Variants in SLC36A4 observed in about 807,000 individuals in gnomAD.
SLC36A4 encodes neutral amino acid uniporter 4.
SLC36A4 carries 49 observed loss-of-function variants against 50.5 expected under a neutral mutation model. The ratio of observed to expected loss-of-function variants is 0.97; its 90% CI spans 0.77 to 1.23. The LOEUF (loss-of-function observed/expected upper bound fraction) is 1.23, where lower values mean the gene tolerates loss of function less well. Ranked by LOEUF, SLC36A4 falls within the 50% of genes most tolerant of loss-of-function variation. The pLI is 0.00. For missense variants in SLC36A4, 611 were observed against 608.4 expected, an observed-to-expected ratio of 1.00 and a Z score of -0.05; for synonymous variants, 207 against 206.5, an observed-to-expected ratio of 1.00 and a Z score of -0.02.
chr11:93,180,261 T>C, intron 6 of SLC36A4: 4 of 985,086 alleles, frequency 4.1e-6, no homozygotes, highest in Non-Finnish European at 4.8e-6. Flanking sequence ...AAATACACTG[T>C]CAATCTCTTC....
In SLC36A4 at chr11:93,181,695, C is replaced by A. The variant is rs577760245; in HGVS notation, c.451G>T (p.Gly151Trp). 9.2e-6 allele frequency: 14 copies of A among 1,528,718 alleles called. No homozygotes were observed. Among genetic ancestry groups the A allele is most frequent in the Admixed American group, 2.0e-5 (1 of 48,904 alleles). 94.7% of individuals were successfully genotyped at this position (1,528,718 alleles called of 1,614,324 possible). A position where few individuals can be genotyped will look rare whatever the true frequency, so the allele number is the denominator to read the frequency against. The change falls in exon 5 of 11, where the codon GGG (glycine) becomes TGG (tryptophan). Residue 151 changes from glycine to tryptophan, a missense_variant. By Grantham distance (184) the Gly-to-Trp change is radical. Coordinates refer to ENST00000326402, the MANE Select transcript of SLC36A4 (RefSeq NM_152313.4). ...WSCLQKQAAW[G>W]RSVVDFFLVI... ...AATAACAGAGTAAGTACTTACCGCC[C>A]CCATGCTGCTTGCTTCTGAAGACAA...
At chr11:93,189,362 C>T (rs945734124) in intron 1 of SLC36A4, among the ~76,000 whole-genome samples, 10 of 151,898 alleles carry the variant, frequency 6.6e-5, no homozygotes, top group Admixed American at 2.6e-4. Flanking sequence ...GCCATGGTCT[C>T]ATCTTAACTA....
intron 9 of SLC36A4, 99 bp from the exon 10 acceptor site, chr11:93,154,376 A>G (rs779218019): frequency 1.8e-6 from 1 of 542,562 alleles, no homozygotes; most frequent in Non-Finnish European, 2.9e-6. Context: ...CCAGAATACC[A>G]AATTAGGCCA....
At chr11:93,162,261 C>T (rs1048472187) in intron 9 of SLC36A4, among the ~76,000 whole-genome samples, 1 of 151,944 alleles carries the variant, frequency 6.6e-6, no homozygotes, top group Non-Finnish European at 1.5e-5. Context: ...TGGTCTCCTA[C>T]GAAGATTATG....
intron 6 of SLC36A4, among the ~76,000 whole-genome samples, chr11:93,169,357 G>A (rs1390719375): frequency 6.6e-6 from 1 of 152,038 alleles, no homozygotes; most frequent in African/African-American, 2.4e-5. Context: ...ACCTAAGCCT[G>A]TGACTCTAGA....
intron 6 of SLC36A4, among the ~76,000 whole-genome samples, chr11:93,178,595 C>T (rs1264397028): frequency 6.6e-6 from 1 of 152,130 alleles, no homozygotes; most frequent in African/African-American, 2.4e-5. Context: ...ATTTGATTCT[C>T]CACTTGGTCA....
intron 9 of SLC36A4, among the ~76,000 whole-genome samples, chr11:93,156,480 C>T (rs1001466704): frequency 4.6e-5 from 7 of 150,716 alleles, no homozygotes; most frequent in African/African-American, 1.7e-4. Context: ...AGTGCAGCAG[C>T]TCAATCTTAG....
In SLC36A4 at chr11:93,173,015, C is replaced by A. The variant is rs1373672797; in HGVS notation, c.541-4844G>T. ...TTCCAGTTCTAGATCCCTGAGGAAT[C>A]GCCACACTGACTTCCACAATGGTTG... is the stretch of plus-strand genomic sequence containing the variant. On this transcript the variant is annotated intron_variant, in intron 6 of 10. Coordinates refer to ENST00000326402, the MANE Select transcript of SLC36A4 (RefSeq NM_152313.4). Among the ~76,000 whole-genome samples the A allele has an allele frequency of 1.0e-3, 108 of 107,094 alleles. No homozygotes were observed. In the Middle Eastern group the frequency reaches 0.013, roughly 13 times the overall value. 70.3% of individuals were successfully genotyped at this position (107,094 alleles called of 152,430 possible).
chr11:93,165,951 A>G lies in SLC36A4; in HGVS notation c.834T>C (p.Gly278=). The change falls in exon 8 of 11, where the codon GGT becomes GGC. Residue 278 remains glycine, a synonymous_variant. Transcript: ENST00000326402. The part of the protein sequence containing the change: ...AGWKKYPLFF[G]TAVFAFEGIG... ...TGCCTTCAAAAGCAAATACAGCAGT[A>G]CCAAAAAAGAGTGGGTATTTCTTCC... is the stretch of plus-strand genomic sequence containing the variant. 1 of 1,610,978 alleles carries G rather than the reference A, an allele frequency of 6.2e-7. No homozygotes were observed.
chr11:93,157,573 T>C (rs936937648), intron 9 of SLC36A4, among the ~76,000 whole-genome samples: 5 of 152,246 alleles, frequency 3.3e-5, no homozygotes, highest in African/African-American at 1.2e-4. Context: ...CCTGGTTAGC[T>C]GTATCCCTAG....
intron 1 of SLC36A4, among the ~76,000 whole-genome samples, chr11:93,193,630 A>G (rs148786271): frequency 9.5e-4 from 144 of 152,310 alleles, no homozygotes; most frequent in Middle Eastern, 3.4e-3. Flanking sequence ...CCATAGGGAT[A>G]CATTAATGGT....
intron 10 of SLC36A4, chr11:93,152,823 A>C (rs1295883752): frequency 6.6e-6 from 1 of 152,182 alleles, no homozygotes; most frequent in Non-Finnish European, 1.5e-5. Flanking sequence ...TATTGATAAA[A>C]ACACTTTTAC....
intron 1 of SLC36A4, among the ~76,000 whole-genome samples, chr11:93,191,268 T>C (rs757091314): frequency 3.3e-5 from 5 of 152,202 alleles, no homozygotes; most frequent in African/African-American, 1.2e-4. Context: ...TTCCTTACAC[T>C]TAACTCTAAT....
intron 6 of SLC36A4, among the ~76,000 whole-genome samples, chr11:93,172,445 CT>C (rs760112270): frequency 0.034 from 4,861 of 143,088 alleles, 97 homozygotes; most frequent in Non-Finnish European, 0.043. Flanking sequence ...CTGTATCATT[CT>C]TTTTTTTTTT....
intron 2 of SLC36A4, chr11:93,185,421 C>T (rs10831005): frequency 0.26 from 68,045 of 262,866 alleles, 10,034 homozygotes; most frequent in East Asian, 0.33. Flanking sequence ...TCAGACATCA[C>T]TTCTCTTAAC....
rs1188762636 is a variant in SLC36A4, at chr11:93,196,457, C to T, written c.55+1321G>A. On this transcript the variant is annotated intron_variant, in intron 1 of 10. Transcript: ENST00000326402. ...TCTCGGCTCACGGCAAGCTCCGCCT[C>T]CCGGGTTCACGCCATTCTCCTGCCT... is the stretch of plus-strand genomic sequence containing the variant. 3.9e-5 allele frequency among the ~76,000 whole-genome samples: 6 copies of T among 152,158 alleles called. No individual in the cohort carries two copies. In the East Asian group the frequency reaches 1.2e-3, roughly 29 times the overall value.
intron 9 of SLC36A4, chr11:93,155,073 G>A (rs1860288884): frequency 6.6e-6 from 1 of 152,024 alleles, no homozygotes; most frequent in Non-Finnish European, 1.5e-5. Flanking sequence ...AAACGTTAAT[G>A]ACATGAAGAG....
intron 9 of SLC36A4, among the ~76,000 whole-genome samples, chr11:93,155,954 ATCT>A (rs1469760925): frequency 6.6e-6 from 1 of 152,256 alleles, no homozygotes; most frequent in East Asian, 1.9e-4. Context: ...TATGTACCAC[ATCT>A]TCTTTATCCA....
chr11:93,191,022 G>A (rs1298135123), intron 1 of SLC36A4, among the ~76,000 whole-genome samples: 7 of 152,106 alleles, frequency 4.6e-5, no homozygotes, highest in Non-Finnish European at 4.4e-5. Flanking sequence ...AATCTAAAGA[G>A]TAAATTGAAA....
Sources: allele counts gnomAD v4.1 joint callset (sites outside exome capture counted in the v4.1 genomes callset), GRCh38; gene constraint gnomAD v4.1.1; transcripts MANE v1.5; gene names NCBI Gene and HGNC (gene_info 2026-07-23, HGNC 2026-07-21).